NUP153: variants seen among roughly 807,000 people sequenced by gnomAD.
The protein encoded by NUP153 is nucleoporin 153, also known as nuclear pore complex protein Nup153.
Under a neutral mutation model 134.6 loss-of-function variants are expected in NUP153, and 27 were observed. The ratio of observed to expected loss-of-function variants is 0.20; its 90% CI spans 0.15 to 0.28. The LOEUF (loss-of-function observed/expected upper bound fraction) is 0.28. Ranked by LOEUF, NUP153 falls within the 10% of genes least tolerant of loss-of-function variation. The pLI is 1.00. For missense variants in NUP153, 1,821 were observed against 1,731.3 expected (o/e 1.05, Z -0.92); for synonymous variants, 640 against 623.5 (o/e 1.03, Z -0.40).
At position 17,625,302 on chromosome 6, in the gene NUP153, C is replaced by G. The variant is rs576955728; in HGVS notation, c.3902-469G>C. Among the ~76,000 whole-genome samples the G allele has an allele frequency of 6.6e-6, 1 of 152,156 alleles. No homozygotes were observed. Among genetic ancestry groups the G allele is most frequent in the South Asian group, 2.1e-4 (1 of 4,810 alleles). Reference sequence around the variant, plus strand: ...CTGTAATCTCAGCACTTTGAAAGGCCGAGGCGGGCAAATCATGAGGTCAGG... The same window carrying G: ...CTGTAATCTCAGCACTTTGAAAGGCGGAGGCGGGCAAATCATGAGGTCAGG... On this transcript the variant is annotated intron_variant, in intron 19 of 21. Coordinates refer to ENST00000262077, the MANE Select transcript of NUP153 (RefSeq NM_005124.4). This position sits in a 1 kb window ranked among gnomAD's most constrained non-coding sequence, Gnocchi z 4.7.
intron 13 of NUP153, among the ~76,000 whole-genome samples, chr6:17,646,496 G>A (rs1289634256): frequency 2.0e-5 from 3 of 152,102 alleles, no homozygotes; most frequent in Non-Finnish European, 4.4e-5. Context: ...GTGAGCCACC[G>A]CGCCTGGCCC....
At position 17,675,158 on chromosome 6, in the gene NUP153, A is replaced by G. The variant is rs1008441305; in HGVS notation, c.723+71T>C. On this transcript the variant is annotated intron_variant, in intron 4 of 21. Transcript: ENST00000262077. The surrounding 1 kb of genome is among the most constrained non-coding windows in gnomAD (Gnocchi z 4.4). ...ACAGCAAAAGACTCTTGTCTCAGAA[A>G]AAAAAAAAAAAATTATAAGCAATAA... 6.5e-6 allele frequency: 10 copies of G among 1,539,276 alleles called. No homozygotes were observed. Among genetic ancestry groups the G allele is most frequent in the Non-Finnish European group, 8.8e-6 (10 of 1,139,966 alleles).
At chr6:17,649,523 T>C (rs562820706) in intron 11 of NUP153, among the ~76,000 whole-genome samples, 1 of 151,716 alleles carries the variant, frequency 6.6e-6, no homozygotes, top group African/African-American at 2.4e-5. Context: ...AATTTCCTAA[T>C]TGGTAAAACT....
intron 8 of NUP153, among the ~76,000 whole-genome samples, chr6:17,668,069 C>CTTTTTTTTT (rs762142682): frequency 4.6e-5 from 4 of 87,236 alleles, no homozygotes; most frequent in East Asian, 4.2e-4. Context: ...GTTTACTGAA[C>CTTTTTTTTT]TTTTTTTTTT....
chr6:17,690,501 G>C (rs1230050500), intron 1 of NUP153, among the ~76,000 whole-genome samples: 3 of 152,124 alleles, frequency 2.0e-5, no homozygotes, highest in Non-Finnish European at 4.4e-5. Context: ...TAATTATAAT[G>C]AAAATCAAAT....
chr6:17,705,859 A>G (rs1770450443), intron 1 of NUP153, among the ~76,000 whole-genome samples: 1 of 151,468 alleles, frequency 6.6e-6, no homozygotes, highest in Non-Finnish European at 1.5e-5. Context: ...CAAACACACT[A>G]AAGAAGGGAC....
chr6:17,632,889 A>T, intron 16 of NUP153, 45 bp from the exon 17 acceptor site: 1 of 1,451,810 alleles, frequency 6.9e-7, no homozygotes, highest in Non-Finnish European at 9.2e-7. Context: ...GATTTCATGA[A>T]AATTTTAATT....
chr6:17,656,872 A>G (rs182600445), intron 11 of NUP153, among the ~76,000 whole-genome samples: 1 of 152,256 alleles, frequency 6.6e-6, no homozygotes, highest in Non-Finnish European at 1.5e-5. Context: ...GCTGGAATGA[A>G]ATGTGGAAAT....
At chr6:17,693,183 T>C (rs200024702) in intron 1 of NUP153, among the ~76,000 whole-genome samples, 34 of 145,936 alleles carry the variant, frequency 2.3e-4, no homozygotes, top group Admixed American at 1.3e-3. Context: ...AGCTTTTTCC[T>C]ACACACACAC....
Position 17,615,883 on chromosome 6 carries a change from G to T in NUP153, c.*214C>A. On this transcript the variant is annotated 3_prime_UTR_variant, in exon 22 of 22. Coordinates refer to ENST00000262077, the MANE Select transcript of NUP153 (RefSeq NM_005124.4). This position sits in a 1 kb window ranked among gnomAD's most constrained non-coding sequence, Gnocchi z 5.7. ...TGGATCATAAAATATTTTTGCTGAA[G>T]AATCAGTCACCAGTCTAGCTATTTA... 4.1e-6 allele frequency: 2 copies of T among 485,578 alleles called. No homozygotes were observed. The highest frequency in any genetic ancestry group is 7.3e-6 in the Non-Finnish European group (2 of 274,956). 30.1% of individuals were successfully genotyped at this position (485,578 alleles called of 1,614,324 possible).
At chr6:17,643,014 A>G (rs941314342) in intron 14 of NUP153, among the ~76,000 whole-genome samples, 1 of 152,218 alleles carries the variant, frequency 6.6e-6, no homozygotes, top group Non-Finnish European at 1.5e-5. Context: ...GCTAGGGGGA[A>G]GGCAGAATGG....
rs1369981048 is a variant in NUP153, at chr6:17,616,593, G to A, written c.4277C>T (p.Ala1426Val). The A allele has an allele frequency of 6.2e-7, 1 of 1,614,084 alleles. No homozygotes were observed. Among genetic ancestry groups the A allele is most frequent in the Admixed American group, 1.7e-5 (1 of 60,008 alleles). Residue 1426 changes from alanine (A) to valine (V), a missense_variant, in exon 21 of 22, where the codon GCC becomes GTC. Coordinates refer to ENST00000262077, the MANE Select transcript of NUP153 (RefSeq NM_005124.4). The stretch of plus-strand genomic sequence containing the variant: ...CCCCGAGCCTGAAGGCTGGGCTGAG[G>A]CTGCAGGTGTGCTAGAATTTGCACC... ...TFGANSSTPAASAQPSGSGGF... is the reference protein window; with the variant it reads ...TFGANSSTPAVSAQPSGSGGF...
At position 17,635,004 on chromosome 6, in the gene NUP153, G is replaced by C. The variant is rs150474474; in HGVS notation, c.2464+2149C>G. On this transcript the variant is annotated intron_variant, in intron 16 of 21. Coordinates refer to ENST00000262077, the MANE Select transcript of NUP153 (RefSeq NM_005124.4). Reference sequence around the variant, plus strand: ...TAAAAAAAAAAAATAAATCGCAAAAGAATCTCATAATGTTTTAGAAAATTC... The same window carrying C: ...TAAAAAAAAAAAATAAATCGCAAAACAATCTCATAATGTTTTAGAAAATTC... 2.5e-3 allele frequency among the ~76,000 whole-genome samples: 378 copies of C among 148,340 alleles called. 2 individuals are homozygous for C. The highest frequency in any genetic ancestry group is 8.7e-3 in the African/African-American group (353 of 40,484).
chr6:17,647,941 G>C, intron 12 of NUP153, 36 bp from the exon 13 acceptor site: 1 of 1,305,744 alleles, frequency 7.7e-7, no homozygotes, highest in Non-Finnish European at 1.1e-6. Flanking sequence ...GATACAAAAA[G>C]AGCTTTTTAG....
At chr6:17,667,155 G>A (rs1463761880) in intron 8 of NUP153, among the ~76,000 whole-genome samples, 3 of 152,080 alleles carry the variant, frequency 2.0e-5, no homozygotes, top group East Asian at 3.9e-4. Flanking sequence ...ATATAAATGA[G>A]GGGTTGAGAA....
At chr6:17,684,701 C>T (rs929492972) in intron 2 of NUP153, among the ~76,000 whole-genome samples, 14 of 152,194 alleles carry the variant, frequency 9.2e-5, no homozygotes, top group Admixed American at 8.5e-4. Context: ...CCTCACTAAA[C>T]TTACATACTT....
rs546275306 is a variant in NUP153 at position 17,635,199 on chromosome 6, T to C, written c.2464+1954A>G. ...ATCTCGGCTCACTGCAAGCTCCACC[T>C]CCCAGATTCACACCATTCTCCTGCC... On this transcript the variant is annotated intron_variant, in intron 16 of 21. Coordinates refer to ENST00000262077, the MANE Select transcript of NUP153 (RefSeq NM_005124.4). 2.9e-5 allele frequency among the ~76,000 whole-genome samples: 4 copies of C among 137,582 alleles called. No homozygotes were observed. The South Asian group carries it at 9.9e-4, about 34-fold the overall frequency. The allele number at this position is 137,582 out of a possible 152,430, so 90.3% of individuals were successfully genotyped here.
chr6:17,616,641 C>A lies in NUP153; in HGVS notation c.4229G>T (p.Ser1410Ile). 1 of 1,613,802 alleles carries A rather than the reference C, an allele frequency of 6.2e-7. No individual in the cohort carries two copies. The highest frequency in any genetic ancestry group is 8.5e-7 in the Non-Finnish European group (1 of 1,179,746). Residue 1410 changes from serine to isoleucine, a missense_variant, in exon 21 of 22, where the codon AGT becomes ATT. Coordinates refer to ENST00000262077, the MANE Select transcript of NUP153 (RefSeq NM_005124.4). ...STTNFNFTNN[S>I]PSGVFTFGAN... ...ACCAAATGTGAACACTCCTGATGGA[C>A]TGTTGTTTGTGAAGTTGAAATTTGT... is the stretch of plus-strand genomic sequence containing the variant.
chr6:17,674,784 A>C, intron 5 of NUP153, 121 bp downstream of exon 5: 1 of 904,198 alleles, frequency 1.1e-6, no homozygotes, highest in Non-Finnish European at 1.5e-6. Flanking sequence ...AAAAAATATA[A>C]ATAAAAGAAA....
Sources: gnomAD v4.1 joint callset for allele counts (sites outside exome capture counted in the v4.1 genomes callset) on GRCh38, gnomAD v4.1.1 for gene constraint, Gnocchi (gnomAD v3.1) non-coding constraint, MANE v1.5 for transcripts, NCBI Gene and HGNC (gene_info 2026-07-23, HGNC 2026-07-21) for gene names.